C9orf85: variants seen among roughly 807,000 people sequenced by gnomAD.
C9orf85 encodes chromosome 9 open reading frame 85, also known as uncharacterized protein C9orf85.
A neutral mutation model predicts 14.9 loss-of-function variants in C9orf85; 16 were observed. That is an observed-to-expected ratio of 1.08 (90% CI 0.73 to 1.63). The LOEUF (loss-of-function observed/expected upper bound fraction) is 1.63. C9orf85 is among the 40% of genes most tolerant of loss of function. The pLI is 0.00. For synonymous variants in C9orf85, 45 were observed against 56.8 expected, an observed-to-expected ratio of 0.79 and a Z score of 0.93; for missense variants, 172 against 186.1, an observed-to-expected ratio of 0.92 and a Z score of 0.44.
downstream of C9orf85, among the ~76,000 whole-genome samples, chr9:71,976,200 TTTG>T (rs1352910697): frequency 6.6e-6 from 1 of 152,226 alleles, no homozygotes; most frequent in Non-Finnish European, 1.5e-5. Context: ...AGATGAAGGC[TTTG>T]TTTTGTTTTA....
chr9:71,968,751 G>T (rs557682922), intron 2 of C9orf85, among the ~76,000 whole-genome samples: 2 of 152,152 alleles, frequency 1.3e-5, no homozygotes, highest in Non-Finnish European at 2.9e-5. Context: ...TGGAGCAATG[G>T]CAAGAGTACA....
intron 1 of C9orf85, among the ~76,000 whole-genome samples, chr9:71,919,413 T>C (rs1416681364): frequency 1.3e-5 from 2 of 152,220 alleles, no homozygotes; most frequent in African/African-American, 4.8e-5. Context: ...GAATCTACCA[T>C]AGATCTGAAT....
chr9:71,981,186 A>G (rs1564104906), intron 3 of C9orf85, among the ~76,000 whole-genome samples: 1 of 152,228 alleles, frequency 6.6e-6, no homozygotes, highest in East Asian at 1.9e-4. Context: ...TACAACTGAA[A>G]TGGGCCCTAG....
chr9:71,937,934 C>T (rs898159093), intron 1 of C9orf85, among the ~76,000 whole-genome samples: 2 of 151,952 alleles, frequency 1.3e-5, no homozygotes, highest in African/African-American at 2.4e-5. Context: ...ACGTAATTTC[C>T]TAAAAAGAAG....
chr9:71,931,635 C>T lies in C9orf85; in HGVS notation c.103-15371C>T, dbSNP rs534716848. On this transcript the variant is annotated intron_variant, in intron 1 of 3. Transcript: ENST00000334731. ...GTGTGATCTTGGACAGATTATTAAACCTGCCTGGATTTGTTTCTTCCTATA... is the reference window on the plus strand; with the variant it reads ...GTGTGATCTTGGACAGATTATTAAATCTGCCTGGATTTGTTTCTTCCTATA... Among the ~76,000 whole-genome samples, 31 of 152,240 alleles carry T rather than the reference C, an allele frequency of 2.0e-4. No individual in the cohort carries two copies. In the South Asian group the frequency reaches 6.4e-3, roughly 32 times the overall value.
At chr9:71,952,580 A>C (rs578059703) in intron 2 of C9orf85, among the ~76,000 whole-genome samples, 2 of 152,044 alleles carry the variant, frequency 1.3e-5, no homozygotes, top group Non-Finnish European at 2.9e-5. Context: ...GTTAGCCAGG[A>C]TGGTCACCTC....
chr9:71,942,484 CCTTA>C (rs1821963278), intron 1 of C9orf85, among the ~76,000 whole-genome samples: 1 of 152,132 alleles, frequency 6.6e-6, no homozygotes, highest in Admixed American at 6.5e-5. Flanking sequence ...TCCCTCCTGC[CCTTA>C]CTTTTCTCTC....
chr9:71,916,030 A>G (rs1265761637), intron 1 of C9orf85, among the ~76,000 whole-genome samples: 1 of 152,236 alleles, frequency 6.6e-6, no homozygotes, highest in African/African-American at 2.4e-5. Context: ...CAAAATATAC[A>G]GTCACAGTCT....
intron 1 of C9orf85, among the ~76,000 whole-genome samples, chr9:71,937,098 G>C (rs760562186): frequency 1.3e-5 from 2 of 152,194 alleles, no homozygotes; most frequent in Non-Finnish European, 2.9e-5. Flanking sequence ...TATCAGCGCA[G>C]TGTTTGTTAG....
chr9:71,963,334 G>A (rs902227701), intron 2 of C9orf85, among the ~76,000 whole-genome samples: 3 of 152,056 alleles, frequency 2.0e-5, no homozygotes, highest in Admixed American at 6.5e-5. Context: ...CCAAGATGGC[G>A]GTGTGCTGCT....
At chr9:71,933,167 CAGA>C (rs1054887171) in intron 1 of C9orf85, among the ~76,000 whole-genome samples, 18 of 152,028 alleles carry the variant, frequency 1.2e-4, no homozygotes, top group Non-Finnish European at 1.5e-5. Flanking sequence ...TTGGGGATTC[CAGA>C]AGGAGAAGAG....
intron 1 of C9orf85, among the ~76,000 whole-genome samples, chr9:71,916,528 A>C (rs948663113): frequency 6.6e-6 from 1 of 152,202 alleles, no homozygotes; most frequent in East Asian, 1.9e-4. Flanking sequence ...TTTGATTTAC[A>C]TAATACCTAT....
chr9:71,962,250 A>C (rs1440775844), intron 2 of C9orf85, among the ~76,000 whole-genome samples: 2 of 152,214 alleles, frequency 1.3e-5, no homozygotes, highest in Admixed American at 1.3e-4. Context: ...ATTTACTTTC[A>C]AACTTGTAAT....
intron 1 of C9orf85, among the ~76,000 whole-genome samples, chr9:71,945,284 G>A (rs753775764): frequency 5.9e-5 from 9 of 152,198 alleles, no homozygotes; most frequent in Non-Finnish European, 1.2e-4. Flanking sequence ...CTTTGTCCAT[G>A]ATAACTATTA....
Position 71,946,793 on chromosome 9 carries a change from C to CAA in C9orf85, c.103-204_103-203dup, listed in dbSNP as rs35975766. ...TGGGCGACAGAGTGAGACTCTGTCT[C>CAA]AAAAAAAAAACAAAAAAAAAAGAAC... On this transcript the variant is annotated intron_variant, in intron 1 of 3. Transcript: ENST00000334731. Among the ~76,000 whole-genome samples, 63 of 84,438 alleles carry CAA rather than the reference C, an allele frequency of 7.5e-4. 1 individual carries two copies. The highest frequency in any genetic ancestry group is 2.4e-3 in the African/African-American group (50 of 21,086). 55.4% of individuals were successfully genotyped at this position (84,438 alleles called of 152,430 possible).
downstream of C9orf85, among the ~76,000 whole-genome samples, chr9:71,976,249 G>A (rs1157095354): frequency 6.6e-6 from 1 of 152,122 alleles, no homozygotes; most frequent in Non-Finnish European, 1.5e-5. Context: ...GCATTAATTT[G>A]TTGCACCTTG....
chr9:71,968,596 T>C (rs944081893), intron 2 of C9orf85, among the ~76,000 whole-genome samples: 3 of 152,252 alleles, frequency 2.0e-5, no homozygotes, highest in Admixed American at 6.5e-5. Context: ...TCTAAAATTT[T>C]CCCATTATTC....
At chr9:71,923,617 C>G (rs547998801) in intron 1 of C9orf85, among the ~76,000 whole-genome samples, 125 of 152,272 alleles carry the variant, frequency 8.2e-4, no homozygotes, top group Non-Finnish European at 1.6e-3. Context: ...TGTAACTGTT[C>G]TTTTGCATAT....
chr9:71,921,162 A>G (rs191805769), intron 1 of C9orf85, among the ~76,000 whole-genome samples: 1 of 152,312 alleles, frequency 6.6e-6, no homozygotes, highest in East Asian at 1.9e-4. Flanking sequence ...TCCGGAAAAT[A>G]TATTTCTTTT....
Sources: gnomAD v4.1 joint callset for allele counts (sites outside exome capture counted in the v4.1 genomes callset) on GRCh38, gnomAD v4.1.1 for gene constraint, MANE v1.5 for transcripts, NCBI Gene and HGNC (gene_info 2026-07-23, HGNC 2026-07-21) for gene names.